Variants in MAMSTR observed in about 807,000 individuals in gnomAD.
MAMSTR encodes MEF2 activating motif and SAP domain containing transcriptional regulator, also known as MEF2-activating motif and SAP domain-containing transcriptional regulator.
MAMSTR carries 41 observed loss-of-function variants against 42.7 expected under a neutral mutation model. The observed-to-expected ratio is 0.96, with a 90% CI of 0.75 to 1.25. The LOEUF (loss-of-function observed/expected upper bound fraction) is 1.25, where lower values mean the gene tolerates loss of function less well. MAMSTR is among the 50% of genes most tolerant of loss of function. The pLI is 0.00. For synonymous variants in MAMSTR, 265 were observed against 244.1 expected (o/e 1.09, Z -0.80); for missense variants, 567 against 557.6 (o/e 1.02, Z -0.17).
chr19:48,707,881 AAG>A (rs1395816788), downstream of MAMSTR, among the ~76,000 whole-genome samples: 2 of 111,600 alleles, frequency 1.8e-5, no homozygotes, highest in African/African-American at 7.5e-5. Flanking sequence ...GAAAGAAAGA[AAG>A]AAAGAAAAGA....
At chr19:48,718,846 C>T in intron 2 of MAMSTR, 128 bp downstream of exon 2, 1 of 936,108 alleles carries the variant, frequency 1.1e-6, no homozygotes, top group African/African-American at 1.6e-5. Context: ...CTTGGGCCTC[C>T]TTTATGCAAC....
chr19:48,718,060 C>G (rs960228013), intron 2 of MAMSTR, among the ~76,000 whole-genome samples: 4 of 152,126 alleles, frequency 2.6e-5, no homozygotes, highest in African/African-American at 9.7e-5. Flanking sequence ...CCAGGCTGGT[C>G]TTGAACTCCT....
At position 48,713,510 on chromosome 19, in the gene MAMSTR, G is replaced by A; in HGVS notation, c.1005C>T (p.Phe335=). The change falls in exon 10 of 10, where the codon TTC becomes TTT. Residue 335 remains phenylalanine (F), a synonymous_variant. Transcript: ENST00000318083. ...AGTCCGGGGAGGGGGACAGCACGTC[G>A]AAGGAGCCAGGGAAGTCCAGGGGAA... is the stretch of plus-strand genomic sequence containing the variant. ...PPIPLDFPGS[F]DVLSPSPDSE... is the part of the protein sequence containing the mutation. 6.2e-7 allele frequency: 1 copy of A among 1,612,750 alleles called. No individual in the cohort carries two copies. The highest frequency in any genetic ancestry group is 1.1e-5 in the South Asian group (1 of 91,012).
In MAMSTR at chr19:48,714,426, C is replaced by G. The variant is rs748150452; in HGVS notation, c.663G>C (p.Ala221=). ...RPKPRREDSP[A]GAPWPRLKPK... ...GCTTGAGGCGCGGCCAGGGAGCACC[C>G]GCGGGACTGTCCTCGCGCCGCGGCT... is the stretch of plus-strand genomic sequence containing the variant. The change falls in exon 7 of 10, where the codon GCG becomes GCC. Residue 221 remains alanine (A), a synonymous_variant. Transcript: ENST00000318083. The G allele has an allele frequency of 5.0e-6, 7 of 1,388,832 alleles. No individual in the cohort carries two copies. In the East Asian group the frequency reaches 1.5e-4, roughly 30 times the overall value. 86.0% of individuals were successfully genotyped at this position (1,388,832 alleles called of 1,614,324 possible). A position where few individuals can be genotyped will look rare whatever the true frequency, so the allele number is the denominator to read the frequency against.
chr19:48,709,000 A>G (rs1049123955), downstream of MAMSTR, among the ~76,000 whole-genome samples: 1 of 152,022 alleles, frequency 6.6e-6, no homozygotes, highest in Admixed American at 6.6e-5. Context: ...CAGTCAGAAA[A>G]GTCTCTGGGC....
rs779092331 is a variant in MAMSTR at position 48,714,811 on chromosome 19, G to C, written c.523C>G (p.Leu175Val). 6.2e-7 allele frequency: 1 copy of C among 1,606,230 alleles called. No individual in the cohort carries two copies. Among genetic ancestry groups the C allele is most frequent in the African/African-American group, 1.3e-5 (1 of 74,822 alleles). The change falls in exon 6 of 10, where the codon CTG becomes GTG. Residue 175 changes from leucine (L) to valine (V), a missense_variant. Transcript: ENST00000318083. ...LELQTLKLEE[L>V]TVSELRQQLR... Reference sequence around the variant, plus strand: ...AAGTTACACCCCAAACTCACCGTCAGCTCCTCCAGTTTAAGGGTCTGAAGT... The same window carrying C: ...AAGTTACACCCCAAACTCACCGTCACCTCCTCCAGTTTAAGGGTCTGAAGT...
At chr19:48,711,832 G>A (rs368759644), downstream of MAMSTR, among the ~76,000 whole-genome samples, 233 of 135,024 alleles carry the variant, frequency 1.7e-3, 1 homozygote, top group African/African-American at 6.0e-3. Flanking sequence ...TGCAAGCTCC[G>A]CCTCCCGGGT....
At chr19:48,717,960 C>T (rs1188862709) in intron 2 of MAMSTR, among the ~76,000 whole-genome samples, 3 of 152,144 alleles carry the variant, frequency 2.0e-5, no homozygotes, top group Non-Finnish European at 4.4e-5. Flanking sequence ...CCGCCTTGGC[C>T]TCCCAAAGTG....
the MAMSTR span, among the ~76,000 whole-genome samples, chr19:48,707,365 G>A: frequency 9.9e-5 from 15 of 151,504 alleles, no homozygotes; most frequent in African/African-American, 3.1e-4. Flanking sequence ...GCAGTGAGCC[G>A]AGATTGTGCC....
intron 4 of MAMSTR, 39 bp from the exon 5 acceptor site, chr19:48,715,485 C>T (rs2032973100): frequency 4.1e-6 from 6 of 1,467,224 alleles, no homozygotes; most frequent in African/African-American, 1.4e-5. Context: ...TTCAGCGCGG[C>T]TCCCACCTTC....
chr19:48,715,887 G>C, intron 3 of MAMSTR, 120 bp from the exon 4 acceptor site: 1 of 1,453,480 alleles, frequency 6.9e-7, no homozygotes, highest in Non-Finnish European at 9.0e-7. Flanking sequence ...AGCAAGACTT[G>C]ATTGCTGGGA....
Position 48,719,069 on chromosome 19 carries a change from C to T in MAMSTR, c.-21-17G>A. 3 of 1,544,066 alleles carry T rather than the reference C, an allele frequency of 1.9e-6. No homozygotes were observed. The highest frequency in any genetic ancestry group is 1.8e-6 in the Non-Finnish European group (2 of 1,141,700). ...GATGGGGACCTGGACGGAGAGGGGG[C>T]AGGGCAGGGGCCCCATAGAGGGCTG... On this transcript the variant is annotated splice_polypyrimidine_tract_variant and intron_variant, in intron 1 of 9. Coordinates refer to ENST00000318083, the MANE Select transcript of MAMSTR (RefSeq NM_001130915.2). The surrounding 1 kb of genome is among the most constrained non-coding windows in gnomAD (Gnocchi z 4.4).
chr19:48,717,853 C>T (rs927487506), intron 2 of MAMSTR, among the ~76,000 whole-genome samples: 4 of 152,122 alleles, frequency 2.6e-5, no homozygotes, highest in Non-Finnish European at 5.9e-5. Flanking sequence ...TAGAGGTGCA[C>T]GCCGCCACAC....
chr19:48,717,944 A>G (rs2033107212), intron 2 of MAMSTR, among the ~76,000 whole-genome samples: 1 of 151,830 alleles, frequency 6.6e-6, no homozygotes, highest in South Asian at 2.1e-4. Context: ...AGCTCAGGCA[A>G]TCCGCCCGCC....
At chr19:48,708,239 AAAAAAAAAAAAAAAG>A (rs924086023), downstream of MAMSTR, among the ~76,000 whole-genome samples, 5 of 49,802 alleles carry the variant, frequency 1.0e-4, no homozygotes, top group Non-Finnish European at 2.8e-4. Flanking sequence ...ATCAAAAAAA[AAAAAAAAAAAAAAAG>A]AAGAAGAAGG....
rs780801701 is a variant in MAMSTR, at chr19:48,713,979, G to A, written c.790C>T (p.Pro264Ser). Residue 264 changes from proline (P) to serine (S), a missense_variant, in exon 8 of 10, where the codon CCG becomes TCG. Coordinates refer to ENST00000318083, the MANE Select transcript of MAMSTR (RefSeq NM_001130915.2). ...GGAGCCGGAGTGGGAGTTGGAGCCG[G>A]AGCCGTCCCCGGGGTATCCGCGGCA... is the stretch of plus-strand genomic sequence containing the variant. ...PRAADTPGTA[P>S]APTPTPAPAA... 1.9e-6 allele frequency: 3 copies of A among 1,612,992 alleles called. No individual in the cohort carries two copies. Among genetic ancestry groups the A allele is most frequent in the Non-Finnish European group, 2.5e-6 (3 of 1,179,726 alleles).
At chr19:48,715,202 G>A in intron 5 of MAMSTR, 60 bp downstream of exon 5, 4 of 1,453,906 alleles carry the variant, frequency 2.8e-6, no homozygotes, top group Non-Finnish European at 3.8e-6. Context: ...GAGGTTTGAG[G>A]GAGGAGGATG....
At position 48,714,529 on chromosome 19, in the gene MAMSTR, C is replaced by T; in HGVS notation, c.560G>A (p.Arg187Gln). ...CTTGGTCCCCGACACTGGGAGGCCCCGCAGGCGCAGCTGCTGCCGGAGCTC... is the reference window on the plus strand; with the variant it reads ...CTTGGTCCCCGACACTGGGAGGCCCTGCAGGCGCAGCTGCTGCCGGAGCTC... ...VSELRQQLRL[R>Q]GLPVSGTKSM... Residue 187 changes from arginine to glutamine, a missense_variant, in exon 7 of 10, where the codon CGG becomes CAG. Physicochemically the swap from Arg to Gln is conservative, Grantham distance 43. Transcript: ENST00000318083. 1 of 1,456,038 alleles carries T rather than the reference C, an allele frequency of 6.9e-7. No homozygotes were observed. The highest frequency in any genetic ancestry group is 9.0e-7 in the Non-Finnish European group (1 of 1,116,692). 90.2% of individuals were successfully genotyped at this position (1,456,038 alleles called of 1,614,324 possible).
chr19:48,714,250 G>C, intron 7 of MAMSTR, 116 bp downstream of exon 7: 2 of 1,042,258 alleles, frequency 1.9e-6, no homozygotes, highest in East Asian at 3.0e-5. Context: ...TCGCCTTCAA[G>C]GCTTCCTACC....
Sources: allele counts gnomAD v4.1 joint callset (sites outside exome capture counted in the v4.1 genomes callset), GRCh38; gene constraint gnomAD v4.1.1; non-coding constraint Gnocchi (gnomAD v3.1); transcripts MANE v1.5; gene names NCBI Gene and HGNC (gene_info 2026-07-23, HGNC 2026-07-21).